The following CCDC6 variants were observed in gnomAD, a reference collection of about 807,000 sequenced individuals.
The protein encoded by CCDC6 is coiled-coil domain-containing protein 6.
CCDC6 carries 20 observed loss-of-function variants against 56.6 expected under a neutral mutation model. The observed-to-expected ratio is 0.35, with a 90% CI of 0.25 to 0.51. The LOEUF (loss-of-function observed/expected upper bound fraction) is 0.51, where lower values mean the gene tolerates loss of function less well. Ranked by LOEUF, CCDC6 falls within the 20% of genes least tolerant of loss-of-function variation. The probability of loss-of-function intolerance (pLI) is 0.95; values close to 1 mark genes in which losing one functional copy is unlikely to be tolerated. For synonymous variants in CCDC6, 241 were observed against 234.4 expected (o/e 1.03, Z -0.26); for missense variants, 367 against 601.1 (o/e 0.61, Z 4.07).
At chr10:59,872,930 C>G (rs1327025164) in intron 1 of CCDC6, among the ~76,000 whole-genome samples, 1 of 152,120 alleles carries the variant, frequency 6.6e-6, no homozygotes, top group East Asian at 1.9e-4. Context: ...ATTCCAAAAC[C>G]CAGAAGACTG....
In CCDC6 at chr10:59,862,558, T is replaced by TAC. The variant is rs1386870471; in HGVS notation, c.304-9857_304-9856insGT. On this transcript the variant is annotated intron_variant, in intron 1 of 8. Coordinates refer to ENST00000263102, the MANE Select transcript of CCDC6 (RefSeq NM_005436.5). Reference sequence around the variant, plus strand: ...ACACACACACACACACACACACACATATATATACACATACACACACACACA... The same window carrying TAC: ...ACACACACACACACACACACACACATACATATATACACATACACACACACACA... Among the ~76,000 whole-genome samples the TAC allele has an allele frequency of 3.2e-4, 27 of 84,360 alleles. No individual in the cohort carries two copies. In the South Asian group the frequency reaches 6.2e-3, roughly 19 times the overall value. The allele number at this position is 84,360 out of a possible 152,430, so 55.3% of individuals were successfully genotyped here. A position where few individuals can be genotyped will look rare whatever the true frequency, so the allele number is the denominator to read the frequency against.
chr10:59,813,052 A>G (rs539074815), intron 4 of CCDC6, among the ~76,000 whole-genome samples: 1 of 152,344 alleles, frequency 6.6e-6, no homozygotes, highest in East Asian at 1.9e-4. Context: ...ACAATACTGA[A>G]AAGTCTTTAT....
Position 59,792,307 on chromosome 10 carries a change from CGA to C in CCDC6, c.*608_*609del. ...TCATTACTTTGGGCCATCTGTTTTA[CGA>C]GAGACATGGATGTCAATAACACAAT... is the stretch of plus-strand genomic sequence containing the variant. On this transcript the variant is annotated 3_prime_UTR_variant, in exon 9 of 9. Coordinates refer to ENST00000263102, the MANE Select transcript of CCDC6 (RefSeq NM_005436.5). 2.8e-6 allele frequency: 1 copy of C among 359,228 alleles called. No individual in the cohort carries two copies. The highest frequency in any genetic ancestry group is 5.2e-6 in the Non-Finnish European group (1 of 192,106). 22.3% of individuals were successfully genotyped at this position (359,228 alleles called of 1,614,324 possible). A position where few individuals can be genotyped will look rare whatever the true frequency, so the allele number is the denominator to read the frequency against.
At chr10:59,796,654 TAC>T (rs1209891881) in intron 7 of CCDC6, among the ~76,000 whole-genome samples, 1 of 152,166 alleles carries the variant, frequency 6.6e-6, no homozygotes, top group African/African-American at 2.4e-5. Flanking sequence ...CCATATTCAC[TAC>T]AGTGTTATTC....
intron 7 of CCDC6, among the ~76,000 whole-genome samples, chr10:59,804,201 AAAG>A (rs1402363575): frequency 1.8e-4 from 28 of 151,944 alleles, no homozygotes; most frequent in African/African-American, 3.9e-4. Context: ...AAAAAAAAAA[AAAG>A]AAGAAGAAGA....
At chr10:59,860,463 C>A (rs975933104) in intron 1 of CCDC6, among the ~76,000 whole-genome samples, 5 of 152,080 alleles carry the variant, frequency 3.3e-5, no homozygotes, top group Non-Finnish European at 5.9e-5. Flanking sequence ...ATCTAAACCA[C>A]CAATGGTAAT....
intron 1 of CCDC6, among the ~76,000 whole-genome samples, chr10:59,895,502 G>A (rs763297942): frequency 5.9e-5 from 9 of 152,160 alleles, no homozygotes; most frequent in African/African-American, 1.7e-4. Flanking sequence ...AGTACTGATC[G>A]TATAGGACTG....
intron 7 of CCDC6, among the ~76,000 whole-genome samples, chr10:59,796,007 G>A (rs1255647192): frequency 6.6e-6 from 1 of 152,128 alleles, no homozygotes; most frequent in East Asian, 1.9e-4. Context: ...TGGGATGGCT[G>A]GGTCAAATGG....
At chr10:59,837,831 T>TA (rs2070897936) in intron 2 of CCDC6, among the ~76,000 whole-genome samples, 1 of 147,064 alleles carries the variant, frequency 6.8e-6, no homozygotes. Context: ...TAATATCTGT[T>TA]ACCCACAGTA....
rs56232975 is a variant in CCDC6 at position 59,844,746 on chromosome 10, CAA to C, written c.453+7805_453+7806del. On this transcript the variant is annotated intron_variant, in intron 2 of 8. Transcript: ENST00000263102. ...CAGCCTGGGCAACAGAGACTATCTC[CAA>C]AAAAAAAAAAAAAAAGAGAGAGAGA... 5.7e-4 allele frequency among the ~76,000 whole-genome samples: 71 copies of C among 124,510 alleles called. 1 individual carries two copies. The highest frequency in any genetic ancestry group is 1.5e-3 in the African/African-American group (53 of 36,292). The allele number at this position is 124,510 out of a possible 152,430, so 81.7% of individuals were successfully genotyped here. A position where few individuals can be genotyped will look rare whatever the true frequency, so the allele number is the denominator to read the frequency against.
chr10:59,832,836 A>G (rs1042729482), intron 2 of CCDC6, among the ~76,000 whole-genome samples, 183 bp from the exon 3 acceptor site: 2 of 152,246 alleles, frequency 1.3e-5, no homozygotes, highest in African/African-American at 2.4e-5. Context: ...CTTAAAACCA[A>G]AAGTCATAGG....
intron 1 of CCDC6, among the ~76,000 whole-genome samples, chr10:59,901,866 A>G (rs1312266587): frequency 6.6e-6 from 1 of 152,194 alleles, no homozygotes; most frequent in Non-Finnish European, 1.5e-5. Flanking sequence ...TCTCACTCAT[A>G]GGACAAACCA....
At chr10:59,905,971 C>T (rs2132692892) in intron 1 of CCDC6, 151 bp downstream of exon 1, 1 of 684,060 alleles carries the variant, frequency 1.5e-6, no homozygotes, top group Non-Finnish European at 2.4e-6. Context: ...CCTCCCTCTC[C>T]TCCCGGAAGC....
chr10:59,850,482 T>G (rs2071029145), intron 2 of CCDC6, among the ~76,000 whole-genome samples: 1 of 152,218 alleles, frequency 6.6e-6, no homozygotes, highest in Non-Finnish European at 1.5e-5. Context: ...CAGACCCATC[T>G]AGAGAACCCC....
intron 1 of CCDC6, among the ~76,000 whole-genome samples, chr10:59,873,498 A>G (rs2071250337): frequency 6.6e-6 from 1 of 152,140 alleles, no homozygotes; most frequent in Non-Finnish European, 1.5e-5. Flanking sequence ...AACCCTTACC[A>G]ACACCTTGAT....
At chr10:59,875,529 G>A (rs576695428) in intron 1 of CCDC6, among the ~76,000 whole-genome samples, 2 of 152,332 alleles carry the variant, frequency 1.3e-5, no homozygotes, top group South Asian at 4.1e-4. Flanking sequence ...GCTGAGTCCT[G>A]CATACAGTTG....
intron 1 of CCDC6, among the ~76,000 whole-genome samples, chr10:59,881,619 GA>G (rs935013518): frequency 3.3e-5 from 5 of 152,014 alleles, no homozygotes; most frequent in African/African-American, 1.2e-4. Flanking sequence ...GGCCAGAGGA[GA>G]AAAAAAGTCC....
chr10:59,857,168 A>C (rs1025609746), intron 1 of CCDC6, among the ~76,000 whole-genome samples: 1 of 152,184 alleles, frequency 6.6e-6, no homozygotes, highest in Admixed American at 6.5e-5. Flanking sequence ...TCTAATAAAA[A>C]GGGAAATTAA....
At position 59,895,829 on chromosome 10, in the gene CCDC6, T is replaced by C. The variant is rs564866549; in HGVS notation, c.303+10293A>G. 1.2e-4 allele frequency among the ~76,000 whole-genome samples: 19 copies of C among 152,274 alleles called. 1 individual carries two copies. In the South Asian group the frequency reaches 3.7e-3, roughly 30 times the overall value. On this transcript the variant is annotated intron_variant, in intron 1 of 8. Coordinates refer to ENST00000263102, the MANE Select transcript of CCDC6 (RefSeq NM_005436.5). ...TGGATCACACTGGAAAGCCTAACAG[T>C]GTGATTCAGCCTGAGCGCTTTAGGC...
Sources: gnomAD v4.1 joint callset for allele counts (sites outside exome capture counted in the v4.1 genomes callset) on GRCh38, gnomAD v4.1.1 for gene constraint, MANE v1.5 for transcripts, NCBI Gene and HGNC (gene_info 2026-07-23, HGNC 2026-07-21) for gene names.